Variants in EPHB1 observed in about 807,000 individuals in gnomAD.
EPHB1 encodes the protein EPH receptor B1.
EPHB1 carries 30 observed loss-of-function variants against 94.4 expected under a neutral mutation model. That is an observed-to-expected ratio of 0.32 (90% CI 0.24 to 0.43). EPHB1 has a LOEUF of 0.43. Among genes scored for constraint, EPHB1 ranks in the 20% least tolerant of loss-of-function variants. EPHB1 has a pLI of 1.00. For missense variants in EPHB1, 1,055 were observed against 1,308.3 expected, an observed-to-expected ratio of 0.81 and a Z score of 2.99; for synonymous variants, 522 against 489.1, an observed-to-expected ratio of 1.07 and a Z score of -0.89.
At chr3:134,882,814 C>CTTTCTTTTCTTTCT (rs1553861955) in intron 1 of EPHB1, among the ~76,000 whole-genome samples, 16 of 93,218 alleles carry the variant, frequency 1.7e-4, no homozygotes, top group African/African-American at 4.9e-4. Flanking sequence ...TTCTTTCTTT[C>CTTTCTTTTCTTTCT]TTTCTTTCTT....
intron 1 of EPHB1, among the ~76,000 whole-genome samples, chr3:134,839,987 G>A (rs1438348679): frequency 6.6e-6 from 1 of 152,168 alleles, no homozygotes; most frequent in Non-Finnish European, 1.5e-5. Context: ...ACAGGAGTAG[G>A]GAGCTAGCAT....
At chr3:135,045,484 T>G (rs1936974013) in intron 3 of EPHB1, among the ~76,000 whole-genome samples, 1 of 152,222 alleles carries the variant, frequency 6.6e-6, no homozygotes, top group Non-Finnish European at 1.5e-5. Context: ...CAAGCTGAAC[T>G]AGCCAATTCT....
intron 1 of EPHB1, among the ~76,000 whole-genome samples, chr3:134,858,004 G>A (rs1323564747): frequency 6.6e-6 from 1 of 152,122 alleles, no homozygotes; most frequent in African/African-American, 2.4e-5. Flanking sequence ...TGGTCAGGGT[G>A]GTTTCATGAA....
chr3:134,933,011 A>G (rs36171), intron 2 of EPHB1, among the ~76,000 whole-genome samples: 83,243 of 152,006 alleles, frequency 0.55, 24,650 homozygotes, highest in African/African-American at 0.77. Flanking sequence ...ATCTGTCATG[A>G]CTTTTTGGTG....
intron 2 of EPHB1, among the ~76,000 whole-genome samples, chr3:134,926,463 G>A (rs2038793015): frequency 6.6e-6 from 1 of 152,248 alleles, no homozygotes; most frequent in Non-Finnish European, 1.5e-5. Context: ...AGCCTTTACA[G>A]ACAAGGTGTG....
intron 1 of EPHB1, among the ~76,000 whole-genome samples, chr3:134,850,886 T>C (rs1349781453): frequency 4.6e-5 from 7 of 152,206 alleles, no homozygotes; most frequent in Non-Finnish European, 1.0e-4. Context: ...TCTAACCTGT[T>C]GGTGCAGAGC....
chr3:134,908,192 C>T (rs939333374), intron 1 of EPHB1, among the ~76,000 whole-genome samples: 8 of 152,240 alleles, frequency 5.3e-5, no homozygotes, highest in African/African-American at 1.9e-4. Context: ...TTCTCTCAGA[C>T]CCCAAACACA....
At chr3:135,074,288 T>G (rs1307698337) in intron 3 of EPHB1, among the ~76,000 whole-genome samples, 2 of 152,250 alleles carry the variant, frequency 1.3e-5, no homozygotes, top group Non-Finnish European at 1.5e-5. Context: ...GCTCATAGAT[T>G]TAAACATACT....
intron 9 of EPHB1, among the ~76,000 whole-genome samples, chr3:135,179,215 A>G (rs1411310257): frequency 6.6e-6 from 1 of 152,148 alleles, no homozygotes; most frequent in East Asian, 1.9e-4. Context: ...TGAAGAGTCA[A>G]TCACCATTTT....
At chr3:134,845,908 C>T (rs929357521) in intron 1 of EPHB1, among the ~76,000 whole-genome samples, 2 of 152,118 alleles carry the variant, frequency 1.3e-5, no homozygotes, top group African/African-American at 2.4e-5. Context: ...CCACACAATA[C>T]CCCTCTGGCC....
At chr3:135,104,513 C>T (rs1939141216) in intron 3 of EPHB1, among the ~76,000 whole-genome samples, 2 of 152,190 alleles carry the variant, frequency 1.3e-5, no homozygotes, top group Admixed American at 6.5e-5. Flanking sequence ...TGGTTCGCAA[C>T]TGACATTGTT....
intron 1 of EPHB1, among the ~76,000 whole-genome samples, chr3:134,828,147 G>A (rs753866594): frequency 1.4e-4 from 21 of 152,136 alleles, no homozygotes; most frequent in Non-Finnish European, 2.4e-4. Flanking sequence ...AGGGAAGTTG[G>A]CCCATTGGAT....
chr3:134,967,711 T>C (rs576501570), intron 3 of EPHB1, among the ~76,000 whole-genome samples: 1 of 152,336 alleles, frequency 6.6e-6, no homozygotes, highest in East Asian at 1.9e-4. Flanking sequence ...AATTGCTTTT[T>C]CTTTATTAAT....
intron 12 of EPHB1, among the ~76,000 whole-genome samples, chr3:135,240,179 A>T (rs971431980): frequency 5.9e-5 from 9 of 152,100 alleles, no homozygotes; most frequent in Non-Finnish European, 1.3e-4. Context: ...TTAACAATAT[A>T]TTTTAAGTTT....
intron 12 of EPHB1, among the ~76,000 whole-genome samples, chr3:135,215,509 T>C (rs924091968): frequency 1.3e-5 from 2 of 152,144 alleles, no homozygotes; most frequent in South Asian, 4.1e-4. Flanking sequence ...CCTATAACTT[T>C]CTCACTTTCC....
chr3:135,246,734 A>C (rs1012613705), intron 13 of EPHB1, among the ~76,000 whole-genome samples: 12 of 152,214 alleles, frequency 7.9e-5, no homozygotes, highest in African/African-American at 2.9e-4. Flanking sequence ...AAAGATTGTC[A>C]GTGCAACACA....
intron 2 of EPHB1, among the ~76,000 whole-genome samples, chr3:134,936,922 G>A (rs936249992): frequency 5.3e-5 from 8 of 152,180 alleles, no homozygotes; most frequent in African/African-American, 9.7e-5. Flanking sequence ...ATATCTTCAC[G>A]GGGCTGACCG....
At chr3:134,815,275 T>A (rs974283722) in intron 1 of EPHB1, among the ~76,000 whole-genome samples, 1 of 152,166 alleles carries the variant, frequency 6.6e-6, no homozygotes. Flanking sequence ...AATATTCTTG[T>A]TCTTAGGAAA....
chr3:134,877,155 G>C (rs1578162036), intron 1 of EPHB1, among the ~76,000 whole-genome samples: 1 of 152,142 alleles, frequency 6.6e-6, no homozygotes, highest in African/African-American at 2.4e-5. Context: ...GTAGACCCTT[G>C]ATGAACACAC....
Sources: gnomAD v4.1 joint callset for allele counts (sites outside exome capture counted in the v4.1 genomes callset) on GRCh38, gnomAD v4.1.1 for gene constraint, MANE v1.5 for transcripts, NCBI Gene and HGNC (gene_info 2026-07-23, HGNC 2026-07-21) for gene names.